Variants in ACKR3 observed in about 807,000 individuals in gnomAD.
ACKR3 encodes C-X-C chemokine receptor type 7.
In ACKR3, 6 loss-of-function variants were observed where a neutral mutation model predicts 22.4. The observed-to-expected ratio is 0.27, with a 90% confidence interval of 0.15 to 0.53. The LOEUF is 0.53. Ranked by LOEUF, ACKR3 falls within the 20% of genes least tolerant of loss-of-function variation. ACKR3 has a pLI of 0.96. For synonymous variants in ACKR3, 209 were observed against 205.2 expected (o/e 1.02, Z -0.16); for missense variants, 396 against 475.2 (o/e 0.83, Z 1.55).
chr2:236,580,888 C>G lies in ACKR3; in HGVS notation c.423C>G (p.Asp141Glu), dbSNP rs774067693. The change falls in exon 2 of 2, where the codon GAC (aspartate) becomes GAG (glutamate). Residue 141 changes from aspartate to glutamate, a missense_variant. Asp to Glu is a conservative substitution (Grantham distance 45). Coordinates refer to ENST00000272928, the MANE Select transcript of ACKR3 (RefSeq NM_020311.3). ...SIFFLTCMSV[D>E]RYLSITYFTN... ...TCTTCCTCACGTGCATGAGCGTGGA[C>G]CGCTACCTCTCCATCACCTACTTCA... The G allele has an allele frequency of 7.4e-6, 12 of 1,614,080 alleles. No homozygotes were observed. Among genetic ancestry groups the G allele is most frequent in the East Asian group, 4.5e-5 (2 of 44,900 alleles).
chr2:236,540,370 T>A, the ACKR3 span, among the ~76,000 whole-genome samples: 1 of 151,820 alleles, frequency 6.6e-6, no homozygotes, highest in Non-Finnish European at 1.5e-5. Context: ...TTTTTTTTGT[T>A]AGGTTATGTG....
intron 1 of ACKR3, among the ~76,000 whole-genome samples, chr2:236,580,200 C>A (rs1691489391): frequency 6.6e-6 from 1 of 152,238 alleles, no homozygotes; most frequent in Non-Finnish European, 1.5e-5. Flanking sequence ...ATGGAGAAAG[C>A]AAACACAGTT....
the ACKR3 span, among the ~76,000 whole-genome samples, chr2:236,543,338 G>A: frequency 1.3e-5 from 2 of 152,296 alleles, no homozygotes; most frequent in South Asian, 4.1e-4. Flanking sequence ...GGATATAAAA[G>A]TGGAATCATT....
intron 1 of ACKR3, among the ~76,000 whole-genome samples, chr2:236,575,864 A>G (rs950366360): frequency 7.2e-5 from 11 of 152,198 alleles, no homozygotes; most frequent in Admixed American, 2.6e-4. Flanking sequence ...TTTGCTCGTA[A>G]ATAAATACTG....
the ACKR3 span, among the ~76,000 whole-genome samples, chr2:236,537,805 T>C: frequency 6.6e-6 from 1 of 152,264 alleles, no homozygotes; most frequent in Non-Finnish European, 1.5e-5. Context: ...CGCCTTTACT[T>C]TTGTCTGCAT....
chr2:236,555,590 A>G, the ACKR3 span, among the ~76,000 whole-genome samples: 5 of 152,198 alleles, frequency 3.3e-5, no homozygotes, highest in South Asian at 1.0e-3. Context: ...CCAGCTTGAG[A>G]GGATGCATCC....
chr2:236,551,036 T>C, the ACKR3 span, among the ~76,000 whole-genome samples: 1 of 152,206 alleles, frequency 6.6e-6, no homozygotes, highest in African/African-American at 2.4e-5. Flanking sequence ...TGGAAGTTTC[T>C]GCCTCAGTTT....
At position 236,580,765 on chromosome 2, in the gene ACKR3, G is replaced by T. The variant is rs1247763709; in HGVS notation, c.300G>T (p.Trp100Cys). 6.2e-7 allele frequency: 1 copy of T among 1,614,206 alleles called. No individual in the cohort carries two copies. Among genetic ancestry groups the T allele is most frequent in the Non-Finnish European group, 8.5e-7 (1 of 1,180,040 alleles). ...DLWVVLTIPV[W>C]VVSLVQHNQW... ...GGGTTGTCCTCACCATCCCAGTCTG[G>T]GTGGTCAGTCTCGTGCAGCACAACC... The change falls in exon 2 of 2, where the codon TGG (tryptophan) becomes TGT (cysteine). Residue 100 changes from tryptophan to cysteine, a missense_variant. By Grantham distance (215) the Trp-to-Cys change is radical. Coordinates refer to ENST00000272928, the MANE Select transcript of ACKR3 (RefSeq NM_020311.3).
chr2:236,539,678 A>G, the ACKR3 span, among the ~76,000 whole-genome samples: 4 of 152,172 alleles, frequency 2.6e-5, no homozygotes, highest in Admixed American at 2.0e-4. Flanking sequence ...TTTCTTGGGT[A>G]AATACCTAAT....
upstream of ACKR3, among the ~76,000 whole-genome samples, chr2:236,564,520 T>C (rs966409395): frequency 6.6e-6 from 1 of 152,024 alleles, no homozygotes; most frequent in East Asian, 1.9e-4. Flanking sequence ...CAGAGAGCCA[T>C]GGGGATCACA....
the ACKR3 span, among the ~76,000 whole-genome samples, chr2:236,537,188 G>A: frequency 3.3e-5 from 5 of 152,176 alleles, no homozygotes; most frequent in Admixed American, 2.6e-4. Context: ...GTGGCAAGCG[G>A]TCTACTAATC....
At chr2:236,568,199 G>C (rs536477331), upstream of ACKR3, among the ~76,000 whole-genome samples, 4 of 152,300 alleles carry the variant, frequency 2.6e-5, no homozygotes, top group Admixed American at 2.6e-4. Flanking sequence ...TGTTTCCACC[G>C]GGCGCGCAGG....
chr2:236,550,877 C>T, the ACKR3 span, among the ~76,000 whole-genome samples: 4 of 152,232 alleles, frequency 2.6e-5, no homozygotes, highest in Non-Finnish European at 5.9e-5. This position sits in a 1 kb window ranked among gnomAD's most constrained non-coding sequence, Gnocchi z 4.6. Context: ...CATTCACACA[C>T]GGCTGCCCCG....
At chr2:236,548,423 T>C in the ACKR3 span, among the ~76,000 whole-genome samples, 1 of 152,208 alleles carries the variant, frequency 6.6e-6, no homozygotes, top group Non-Finnish European at 1.5e-5. This position sits in a 1 kb window ranked among gnomAD's most constrained non-coding sequence, Gnocchi z 4.3. Flanking sequence ...TAAACCCACA[T>C]AAAGTCTGGT....
At chr2:236,572,931 C>T (rs543696377) in intron 1 of ACKR3, among the ~76,000 whole-genome samples, 3 of 152,114 alleles carry the variant, frequency 2.0e-5, no homozygotes, top group Non-Finnish European at 2.9e-5. Flanking sequence ...TTATTTTTTG[C>T]GTTCTCAAGT....
At chr2:236,567,866 C>G (rs2106496172), upstream of ACKR3, 1 of 151,616 alleles carries the variant, frequency 6.6e-6, no homozygotes, top group East Asian at 2.0e-4. Context: ...AGTCTGGGCG[C>G]GGGGAAGGGC....
the ACKR3 span, among the ~76,000 whole-genome samples, chr2:236,550,334 C>T: frequency 3.0e-4 from 45 of 152,318 alleles, no homozygotes; most frequent in Admixed American, 2.2e-3. The surrounding 1 kb of genome is among the most constrained non-coding windows in gnomAD (Gnocchi z 4.6). Flanking sequence ...TACCCGGCTG[C>T]GCACACATCT....
chr2:236,580,387 T>A, intron 1 of ACKR3, 53 bp from the exon 2 acceptor site: 8 of 1,536,632 alleles, frequency 5.2e-6, no homozygotes. Context: ...GAGTTTTTCC[T>A]AATGAAGTGA....
intron 1 of ACKR3, among the ~76,000 whole-genome samples, chr2:236,580,047 C>T (rs995696813): frequency 2.6e-5 from 4 of 152,220 alleles, no homozygotes; most frequent in African/African-American, 4.8e-5. Context: ...GCTCCACTGT[C>T]CCCTGCTGAG....
Sources: gnomAD v4.1 joint callset for allele counts (sites outside exome capture counted in the v4.1 genomes callset) on GRCh38, gnomAD v4.1.1 for gene constraint, Gnocchi (gnomAD v3.1) non-coding constraint, MANE v1.5 for transcripts, NCBI Gene and HGNC (gene_info 2026-07-23, HGNC 2026-07-21) for gene names.